RPS6KC1: variants seen among roughly 807,000 people sequenced by gnomAD.
The protein encoded by RPS6KC1 is inactive ribosomal protein S6 kinase delta-1.
Under a neutral mutation model 103.8 loss-of-function variants are expected in RPS6KC1, and 54 were observed. The observed-to-expected ratio is 0.52, with a 90% CI of 0.42 to 0.65. The LOEUF (loss-of-function observed/expected upper bound fraction) is 0.65, where lower values mean the gene tolerates loss of function less well. RPS6KC1 is among the 30% of genes least tolerant of loss of function. The probability of loss-of-function intolerance (pLI) is 0.00; values close to 1 mark genes in which losing one functional copy is unlikely to be tolerated. For missense variants in RPS6KC1, 1,151 were observed against 1,253.8 expected, an observed-to-expected ratio of 0.92 and a Z score of 1.24; for synonymous variants, 439 against 438.7, an observed-to-expected ratio of 1.00 and a Z score of -0.01.
chr1:213,575,374 T>G, the RPS6KC1 span, among the ~76,000 whole-genome samples: 4 of 152,110 alleles, frequency 2.6e-5, no homozygotes, highest in Non-Finnish European at 5.9e-5. Context: ...AAGAGGATCT[T>G]TCCATAGTCC....
At chr1:213,616,244 GA>G in the RPS6KC1 span, among the ~76,000 whole-genome samples, 1 of 152,238 alleles carries the variant, frequency 6.6e-6, no homozygotes, top group South Asian at 2.1e-4. Context: ...AAGTGGGACA[GA>G]ATGTAAATGC....
At chr1:213,085,324 T>A (rs958694141) in intron 3 of RPS6KC1, among the ~76,000 whole-genome samples, 1 of 152,190 alleles carries the variant, frequency 6.6e-6, no homozygotes, top group Non-Finnish European at 1.5e-5. Flanking sequence ...TTAGTGCCCA[T>A]CCAGATAATC....
At chr1:213,363,624 TGC>T in the RPS6KC1 span, among the ~76,000 whole-genome samples, 3 of 83,122 alleles carry the variant, frequency 3.6e-5, no homozygotes, top group Admixed American at 1.3e-4. Flanking sequence ...CTTGCTTGCT[TGC>T]TTTCTTTCTT....
chr1:213,218,945 A>C (rs1393764446), intron 8 of RPS6KC1, among the ~76,000 whole-genome samples: 1 of 152,192 alleles, frequency 6.6e-6, no homozygotes, highest in Non-Finnish European at 1.5e-5. Flanking sequence ...ACCATTCAGG[A>C]CATAGACATA....
chr1:213,394,431 C>G, the RPS6KC1 span, among the ~76,000 whole-genome samples: 1 of 152,144 alleles, frequency 6.6e-6, no homozygotes, highest in African/African-American at 2.4e-5. Context: ...CTCACACCCC[C>G]CTACCCCTCA....
At chr1:213,563,366 C>A in the RPS6KC1 span, among the ~76,000 whole-genome samples, 7 of 151,800 alleles carry the variant, frequency 4.6e-5, no homozygotes, top group Admixed American at 2.0e-4. Flanking sequence ...GGTCTTTGTA[C>A]AGATTATATA....
At chr1:213,071,183 G>A in intron 2 of RPS6KC1, 142 bp downstream of exon 2, 1 of 506,464 alleles carries the variant, frequency 2.0e-6, no homozygotes, top group Non-Finnish European at 3.5e-6. Flanking sequence ...AGGCTGGAGT[G>A]CAGTGGCGCA....
the RPS6KC1 span, among the ~76,000 whole-genome samples, chr1:213,807,761 C>A: frequency 1.3e-5 from 2 of 152,326 alleles, no homozygotes; most frequent in South Asian, 2.1e-4. Flanking sequence ...TGTCTGAAGC[C>A]TTCTTCTCTC....
At chr1:213,705,481 G>A in the RPS6KC1 span, among the ~76,000 whole-genome samples, 1 of 152,188 alleles carries the variant, frequency 6.6e-6, no homozygotes, top group South Asian at 2.1e-4. Flanking sequence ...TCAGCTTGTG[G>A]TGAATGCTGC....
the RPS6KC1 span, among the ~76,000 whole-genome samples, chr1:213,456,217 A>C: frequency 7.9e-5 from 12 of 152,290 alleles, no homozygotes; most frequent in African/African-American, 2.9e-4. Context: ...CTGCTGCCTT[A>C]GTCTCCTTTG....
the RPS6KC1 span, among the ~76,000 whole-genome samples, chr1:213,641,023 T>C: frequency 6.6e-6 from 1 of 152,058 alleles, no homozygotes; most frequent in Non-Finnish European, 1.5e-5. Context: ...GTTAGGTATA[T>C]ACACATTTAG....
chr1:213,528,036 G>A, the RPS6KC1 span, among the ~76,000 whole-genome samples: 4 of 152,200 alleles, frequency 2.6e-5, no homozygotes, highest in African/African-American at 7.2e-5. Flanking sequence ...AGGAAGAAGA[G>A]GGTAGGTCTT....
the RPS6KC1 span, among the ~76,000 whole-genome samples, chr1:213,368,371 G>T: frequency 1.3e-5 from 2 of 152,168 alleles, no homozygotes; most frequent in African/African-American, 4.8e-5. Flanking sequence ...CTAACTCTGG[G>T]CTTCTTTTAC....
intron 10 of RPS6KC1, among the ~76,000 whole-genome samples, chr1:213,236,951 A>G (rs544187260): frequency 2.0e-5 from 3 of 152,264 alleles, no homozygotes; most frequent in Non-Finnish European, 4.4e-5. Context: ...AATAAAAATT[A>G]TCCCTCCCTA....
chr1:213,483,814 A>G, the RPS6KC1 span, among the ~76,000 whole-genome samples: 1 of 152,342 alleles, frequency 6.6e-6, no homozygotes, highest in East Asian at 1.9e-4. Context: ...CCCATAGGGA[A>G]GCTAGGCGGT....
chr1:213,798,602 G>A, the RPS6KC1 span, among the ~76,000 whole-genome samples: 241 of 152,226 alleles, frequency 1.6e-3, no homozygotes, highest in Non-Finnish European at 2.1e-3. Flanking sequence ...TCCCACTTAC[G>A]TGCCCAGTGA....
At chr1:213,577,734 A>G in the RPS6KC1 span, among the ~76,000 whole-genome samples, 1 of 152,250 alleles carries the variant, frequency 6.6e-6, no homozygotes, top group African/African-American at 2.4e-5. Context: ...TCTAAGTAGC[A>G]AAGCATTCAA....
chr1:213,862,364 T>C, the RPS6KC1 span, among the ~76,000 whole-genome samples: 25 of 152,126 alleles, frequency 1.6e-4, no homozygotes, highest in African/African-American at 4.3e-4. Context: ...GAGGGTCACA[T>C]TGGGTCTCAG....
chr1:213,590,154 G>A, the RPS6KC1 span, among the ~76,000 whole-genome samples: 11 of 152,238 alleles, frequency 7.2e-5, no homozygotes, highest in African/African-American at 2.2e-4. Flanking sequence ...GGTGCTTTAC[G>A]TCTAGGGAAT....
Sources: allele counts gnomAD v4.1 joint callset (sites outside exome capture counted in the v4.1 genomes callset), GRCh38; gene constraint gnomAD v4.1.1; transcripts MANE v1.5; gene names NCBI Gene and HGNC (gene_info 2026-07-23, HGNC 2026-07-21).